Variants in MAD1L1 observed in about 807,000 individuals in gnomAD.
MAD1L1 encodes mitotic arrest deficient 1 like 1.
A neutral mutation model predicts 96.9 loss-of-function variants in MAD1L1; 95 were observed. That is an observed-to-expected ratio of 0.98 (90% CI 0.83 to 1.16). The LOEUF (loss-of-function observed/expected upper bound fraction) is 1.16. Ranked by LOEUF, MAD1L1 falls within the 50% of genes most tolerant of loss-of-function variation. MAD1L1 has a pLI of 0.00. For synonymous variants in MAD1L1, 473 were observed against 396.6 expected (o/e 1.19, Z -2.29); for missense variants, 1,007 against 954.4 (o/e 1.06, Z -0.73).
intron 10 of MAD1L1, among the ~76,000 whole-genome samples, chr7:2,168,229 G>A (rs1281319595): frequency 1.3e-5 from 2 of 152,148 alleles, no homozygotes; most frequent in African/African-American, 4.8e-5. Flanking sequence ...AGGTTGCAGT[G>A]AGCCGAGATC....
Position 2,175,772 on chromosome 7 carries a change from C to A in MAD1L1, c.987-26534G>T, listed in dbSNP as rs1438087936. Among the ~76,000 whole-genome samples the A allele has an allele frequency of 2.0e-5, 3 of 152,294 alleles. No homozygotes were observed. In the East Asian group the frequency reaches 5.8e-4, roughly 29 times the overall value. On this transcript the variant is annotated intron_variant, in intron 10 of 18. Transcript: ENST00000265854. ...CTCATCCTCCTCCTGAAGCCCTGGT[C>A]CCTTCCGTCCAGGCCATCCCACACA... is the stretch of plus-strand genomic sequence containing the variant.
At chr7:1,873,076 C>G (rs983291728) in intron 18 of MAD1L1, among the ~76,000 whole-genome samples, 5 of 152,384 alleles carry the variant, frequency 3.3e-5, no homozygotes. Flanking sequence ...CAGGGAAGGG[C>G]TGCATGCCGA....
At chr7:1,908,609 T>C (rs1290909121) in intron 17 of MAD1L1, among the ~76,000 whole-genome samples, 1 of 152,128 alleles carries the variant, frequency 6.6e-6, no homozygotes, top group Non-Finnish European at 1.5e-5. Context: ...GCGGGCCTCA[T>C]GTGTGCCTCC....
rs1229686144 is a variant in MAD1L1, at chr7:2,142,657, G to A, written c.1073+6495C>T. Among the ~76,000 whole-genome samples, 1 of 152,264 alleles carries A rather than the reference G, an allele frequency of 6.6e-6. No individual in the cohort carries two copies. The highest frequency in any genetic ancestry group is 2.4e-5 in the African/African-American group (1 of 41,472). Reference sequence around the variant, plus strand: ...TGGAATACATGGAGACAGCCCATTAGACTCAGGCTGATTCCACACCTTCTG... The same window carrying A: ...TGGAATACATGGAGACAGCCCATTAAACTCAGGCTGATTCCACACCTTCTG... On this transcript the variant is annotated intron_variant, in intron 11 of 18. Transcript: ENST00000265854. This position sits in a 1 kb window ranked among gnomAD's most constrained non-coding sequence, Gnocchi z 4.7.
intron 15 of MAD1L1, among the ~76,000 whole-genome samples, chr7:1,966,529 G>A (rs1419279984): frequency 1.4e-5 from 1 of 72,898 alleles, no homozygotes; most frequent in Admixed American, 1.8e-4. Context: ...AGTATTTAAG[G>A]AAATAAATGG....
chr7:2,221,489 C>T (rs936486531), intron 5 of MAD1L1, among the ~76,000 whole-genome samples: 8 of 150,850 alleles, frequency 5.3e-5, no homozygotes, highest in African/African-American at 1.2e-4. Context: ...CCCCGCTGCA[C>T]GCCCACCCCA....
At chr7:2,232,437 T>C (rs1210098382) in intron 1 of MAD1L1, among the ~76,000 whole-genome samples, 2 of 152,194 alleles carry the variant, frequency 1.3e-5, no homozygotes, top group Non-Finnish European at 2.9e-5. Flanking sequence ...GCCACCAGGA[T>C]GCCAAGAGCC....
At chr7:1,947,332 G>A (rs1055332204) in intron 16 of MAD1L1, among the ~76,000 whole-genome samples, 5 of 152,248 alleles carry the variant, frequency 3.3e-5, no homozygotes, top group Admixed American at 6.5e-5. Flanking sequence ...CGCGCATGCC[G>A]AGAGCAGAGA....
chr7:2,042,613 T>A (rs1436005687), intron 12 of MAD1L1, among the ~76,000 whole-genome samples: 1 of 152,088 alleles, frequency 6.6e-6, no homozygotes, highest in Non-Finnish European at 1.5e-5. Context: ...TGAGGGCGGA[T>A]CCCTCACGAA....
At chr7:2,054,309 G>A (rs1227838821) in intron 12 of MAD1L1, among the ~76,000 whole-genome samples, 1 of 152,232 alleles carries the variant, frequency 6.6e-6, no homozygotes, top group African/African-American at 2.4e-5. Context: ...GACGGCGGTC[G>A]GGCGCACGTG....
chr7:2,183,907 AT>A (rs1791327735), intron 10 of MAD1L1, among the ~76,000 whole-genome samples: 1 of 151,916 alleles, frequency 6.6e-6, no homozygotes, highest in African/African-American at 2.4e-5. Context: ...TATAATAATA[AT>A]AAAAAAATAA....
chr7:2,216,453 C>T (rs1793287166), intron 7 of MAD1L1, among the ~76,000 whole-genome samples, 166 bp from the exon 8 acceptor site: 2 of 152,200 alleles, frequency 1.3e-5, no homozygotes, highest in Admixed American at 1.3e-4. Context: ...GTCAAGGGCT[C>T]AGAAGGAGAG....
intron 10 of MAD1L1, among the ~76,000 whole-genome samples, chr7:2,167,701 A>G (rs1251163725): frequency 4.6e-5 from 7 of 151,860 alleles, no homozygotes; most frequent in Non-Finnish European, 1.0e-4. Context: ...CTGCACTCCA[A>G]CCTGGGCAAC....
Position 1,966,175 on chromosome 7 carries a change from G to A in MAD1L1, c.1506-8456C>T, listed in dbSNP as rs115393451. ...CAACCTGAACTGGGATGGGAACCGC[G>A]CCCCACAGAAGGTCGCTGGGACCTG... On this transcript the variant is annotated intron_variant, in intron 15 of 18. Transcript: ENST00000265854. Among the ~76,000 whole-genome samples the A allele has an allele frequency of 8.4e-3, 1,287 of 152,364 alleles. 15 individuals carry two copies. The highest frequency in any genetic ancestry group is 0.03 in the African/African-American group (1,248 of 41,582).
chr7:2,044,428 G>A (rs1358607032), intron 12 of MAD1L1, among the ~76,000 whole-genome samples: 1 of 152,214 alleles, frequency 6.6e-6, no homozygotes, highest in Non-Finnish European at 1.5e-5. Context: ...AAGAGAAGCT[G>A]CCCGGCGCAC....
chr7:2,120,733 A>T (rs754569009), intron 11 of MAD1L1, among the ~76,000 whole-genome samples: 13 of 152,230 alleles, frequency 8.5e-5, no homozygotes, highest in Non-Finnish European at 1.6e-4. Flanking sequence ...AAACAAGAGT[A>T]TATGCCAAGA....
chr7:2,062,814 G>A (rs1011994918), intron 12 of MAD1L1, among the ~76,000 whole-genome samples: 5 of 152,224 alleles, frequency 3.3e-5, no homozygotes, highest in African/African-American at 1.2e-4. Context: ...GGCAAAACTG[G>A]AACACCTCAC....
intron 6 of MAD1L1, 97 bp downstream of exon 6, chr7:2,219,235 G>C: frequency 8.7e-7 from 1 of 1,149,364 alleles, no homozygotes. Flanking sequence ...CAGCATCTGG[G>C]AGTGTATCCA....
At chr7:1,953,141 C>T (rs904564322) in intron 16 of MAD1L1, among the ~76,000 whole-genome samples, 12 of 152,158 alleles carry the variant, frequency 7.9e-5, no homozygotes, top group African/African-American at 2.7e-4. Flanking sequence ...GTGACGGGCC[C>T]GCCCCACCCT....
Sources: gnomAD v4.1 joint callset for allele counts (sites outside exome capture counted in the v4.1 genomes callset) on GRCh38, gnomAD v4.1.1 for gene constraint, Gnocchi (gnomAD v3.1) non-coding constraint, MANE v1.5 for transcripts, NCBI Gene and HGNC (gene_info 2026-07-23, HGNC 2026-07-21) for gene names.